Variants in EIF4G2 observed in about 807,000 individuals in gnomAD.
EIF4G2 encodes the protein DAP-5.
In EIF4G2, 8 loss-of-function variants were observed where a neutral mutation model predicts 117.7. The ratio of observed to expected loss-of-function variants is 0.07; its 90% CI spans 0.04 to 0.12. EIF4G2 has a LOEUF of 0.12. Ranked by LOEUF, EIF4G2 falls within the 10% of genes least tolerant of loss-of-function variation. The pLI is 1.00. For synonymous variants in EIF4G2, 413 were observed against 367.8 expected, an observed-to-expected ratio of 1.12 and a Z score of -1.41; for missense variants, 812 against 1,086.2, an observed-to-expected ratio of 0.75 and a Z score of 3.55.
intron 2 of EIF4G2, 134 bp from the exon 3 acceptor site, chr11:10,807,019 G>T (rs1847595602): frequency 2.6e-6 from 3 of 1,159,302 alleles, no homozygotes; most frequent in African/African-American, 1.5e-5. Flanking sequence ...AGCCAGGCCT[G>T]TATTTTAGTG....
intron 4 of EIF4G2, among the ~76,000 whole-genome samples, chr11:10,805,223 G>A (rs75797111): frequency 3.9e-5 from 6 of 152,174 alleles, no homozygotes; most frequent in Non-Finnish European, 8.8e-5. Context: ...GGGGTCCCCA[G>A]CTGTTTGACA....
rs1232821085 is a variant in EIF4G2, at chr11:10,798,907, T to C, written c.2658+85A>G. 3 of 1,500,546 alleles carry C rather than the reference T, an allele frequency of 2.0e-6. No individual in the cohort carries two copies. The East Asian group carries it at 6.8e-5, about 34-fold the overall frequency. The allele number at this position is 1,500,546 out of a possible 1,614,324, so 93.0% of individuals were successfully genotyped here. A position where few individuals can be genotyped will look rare whatever the true frequency, so the allele number is the denominator to read the frequency against. On this transcript the variant is annotated intron_variant, in intron 21 of 21. Coordinates refer to ENST00000339995, the MANE Select transcript of EIF4G2 (RefSeq NM_001418.4). ...CTACTAACTAGGACTACCTTGCCTG[T>C]ATTTCAGTTGAAAAAGGCTCTTAAC...
At chr11:10,804,512 C>G in intron 5 of EIF4G2, 94 bp from the exon 6 acceptor site, 1 of 1,450,834 alleles carries the variant, frequency 6.9e-7, no homozygotes, top group Non-Finnish European at 9.2e-7. Flanking sequence ...TTAGCTATTA[C>G]AGTCTACCAA....
Position 10,800,525 on chromosome 11 carries a change from T to C in EIF4G2, c.1767A>G (p.Ser589=). The change falls in exon 17 of 22, where the codon TCA becomes TCG. Residue 589 remains serine, a synonymous_variant. Transcript: ENST00000339995. ...CTTTATCTTCATCGCTTCTATCTAG[T>C]GACAGGATGATTACTTTGCTTAACA... The C allele has an allele frequency of 1.9e-6, 3 of 1,614,194 alleles. No homozygotes were observed. The highest frequency in any genetic ancestry group is 2.5e-6 in the Non-Finnish European group (3 of 1,180,018).
At chr11:10,801,191 A>G (rs1847406412) in intron 14 of EIF4G2, 104 bp from the exon 15 acceptor site, 5 of 1,492,064 alleles carry the variant, frequency 3.4e-6, no homozygotes, top group Non-Finnish European at 3.6e-6. Flanking sequence ...CTAGGGAAAC[A>G]TTAAGCTTTT....
chr11:10,807,611 C>T, intron 1 of EIF4G2: 2 of 1,131,256 alleles, frequency 1.8e-6, no homozygotes, highest in African/African-American at 1.6e-5. Flanking sequence ...GCATTTTAAA[C>T]GGCTCAGAAC....
intron 7 of EIF4G2, 25 bp from the exon 8 acceptor site, chr11:10,804,075 G>A (rs774585433): frequency 2.4e-5 from 39 of 1,612,444 alleles, no homozygotes; most frequent in Non-Finnish European, 3.2e-5. Context: ...AATGAAGTAA[G>A]CCAACATTCA....
In EIF4G2 at chr11:10,803,422, T is replaced by A; in HGVS notation, c.813+58A>T. Reference sequence around the variant, plus strand: ...GCAATCCCTTATGATGTCACAAAAATCAATAGCTTGATTTAAAGACAAACT... The same window carrying A: ...GCAATCCCTTATGATGTCACAAAAAACAATAGCTTGATTTAAAGACAAACT... On this transcript the variant is annotated intron_variant, in intron 9 of 21. Coordinates refer to ENST00000339995, the MANE Select transcript of EIF4G2 (RefSeq NM_001418.4). The surrounding 1 kb of genome is among the most constrained non-coding windows in gnomAD (Gnocchi z 4.0). 1 of 1,577,874 alleles carries A rather than the reference T, an allele frequency of 6.3e-7. No individual in the cohort carries two copies. The highest frequency in any genetic ancestry group is 2.2e-5 in the East Asian group (1 of 44,638).
At chr11:10,808,222 T>C in intron 1 of EIF4G2, 7 of 1,136,282 alleles carry the variant, frequency 6.2e-6, no homozygotes, top group Non-Finnish European at 7.6e-6. Flanking sequence ...AAATCATCAC[T>C]CTCTCTTTCC....
At position 10,800,849 on chromosome 11, in the gene EIF4G2, A is replaced by G. The variant is rs575290905; in HGVS notation, c.1540-14T>C. ...AAGCTGAGGTGTCTAAAAAACAAGC[A>G]ATGACAGACTTTTTTTAAAAAGAGG... On this transcript the variant is annotated splice_polypyrimidine_tract_variant and intron_variant, in intron 15 of 21. Coordinates refer to ENST00000339995, the MANE Select transcript of EIF4G2 (RefSeq NM_001418.4). 3 of 1,612,986 alleles carry G rather than the reference A, an allele frequency of 1.9e-6. No homozygotes were observed. Among genetic ancestry groups the G allele is most frequent in the African/African-American group, 2.7e-5 (2 of 74,862 alleles).
Position 10,799,404 on chromosome 11 carries a change from C to T in EIF4G2, c.2345G>A (p.Ser782Asn), listed in dbSNP as rs1463062907. The T allele has an allele frequency of 6.2e-7, 1 of 1,611,522 alleles. No individual in the cohort carries two copies. The highest frequency in any genetic ancestry group is 8.5e-7 in the Non-Finnish European group (1 of 1,180,026). ...TTCATCGCTGGGGGGGTTTACTTCACTAGAAATGTACTGTAAGAAGCTGGA... is the reference window on the plus strand; with the variant it reads ...TTCATCGCTGGGGGGGTTTACTTCATTAGAAATGTACTGTAAGAAGCTGGA... The change falls in exon 20 of 22, where the codon AGT (serine) becomes AAT (asparagine). Residue 782 changes from serine (S) to asparagine (N), a missense_variant. Physicochemically the swap from Ser to Asn is conservative, Grantham distance 46 (BLOSUM62 1). Coordinates refer to ENST00000339995, the MANE Select transcript of EIF4G2 (RefSeq NM_001418.4).
chr11:10,805,162 G>C (rs1847528534), intron 4 of EIF4G2, 147 bp from the exon 5 acceptor site: 2 of 663,864 alleles, frequency 3.0e-6, no homozygotes, highest in East Asian at 2.7e-5. Flanking sequence ...AAACCAAAGG[G>C]ATGCTGAAAT....
At position 10,801,735 on chromosome 11, in the gene EIF4G2, A is replaced by C. The variant is rs751605803; in HGVS notation, c.1339T>G (p.Leu447Val). The change falls in exon 14 of 22, where the codon TTA becomes GTA. Residue 447 changes from leucine (L) to valine (V), a missense_variant. Transcript: ENST00000339995. The stretch of plus-strand genomic sequence containing the variant: ...TTCGACTGTCCTTGCAGCTGGGATA[A>C]GAGTCCCTGACTCTGGTTATGGTAG... 3.7e-6 allele frequency: 6 copies of C among 1,614,186 alleles called. No individual in the cohort carries two copies. In the Admixed American group the frequency reaches 1.0e-4, roughly 27 times the overall value.
At position 10,802,228 on chromosome 11, in the gene EIF4G2, A is replaced by C. The variant is rs559300529; in HGVS notation, c.1139-19T>G. ...CCGCTACCTTAAAATACATATACGGACAACTCTCAAAACTAAAGTTAACTG... is the reference window on the plus strand; with the variant it reads ...CCGCTACCTTAAAATACATATACGGCCAACTCTCAAAACTAAAGTTAACTG... On this transcript the variant is annotated intron_variant, in intron 12 of 21. Transcript: ENST00000339995. The C allele has an allele frequency of 6.2e-7, 1 of 1,612,288 alleles. No individual in the cohort carries two copies. Among genetic ancestry groups the C allele is most frequent in the Non-Finnish European group, 8.5e-7 (1 of 1,178,888 alleles).
intron 5 of EIF4G2, 50 bp from the exon 6 acceptor site, chr11:10,804,468 C>T: frequency 2.6e-6 from 4 of 1,528,782 alleles, no homozygotes; most frequent in Non-Finnish European, 1.8e-6. Context: ...TCTCCAAGAA[C>T]CCTTCCTTTA....
chr11:10,797,767 C>T lies in EIF4G2; in HGVS notation c.*49G>A. The T allele has an allele frequency of 6.3e-7, 1 of 1,584,928 alleles. No individual in the cohort carries two copies. The highest frequency in any genetic ancestry group is 8.7e-7 in the Non-Finnish European group (1 of 1,155,412). On this transcript the variant is annotated 3_prime_UTR_variant, in exon 22 of 22. Coordinates refer to ENST00000339995, the MANE Select transcript of EIF4G2 (RefSeq NM_001418.4). This position sits in a 1 kb window ranked among gnomAD's most constrained non-coding sequence, Gnocchi z 4.5. ...GCAGTGGTTAGGTCAAATGCAGTTACATCATAGCAACAGTATGTTTTGCAC... is the reference window on the plus strand; with the variant it reads ...GCAGTGGTTAGGTCAAATGCAGTTATATCATAGCAACAGTATGTTTTGCAC...
At chr11:10,799,154 T>C (rs781308089) in intron 20 of EIF4G2, 41 bp from the exon 21 acceptor site, 4 of 1,598,224 alleles carry the variant, frequency 2.5e-6, no homozygotes, top group Non-Finnish European at 2.6e-6. Context: ...ATAAGCCCAT[T>C]ATTTAGTGTT....
chr11:10,802,280 T>C lies in EIF4G2; in HGVS notation c.1138+14A>G. ...TTTTTCAGCTTAACGCAACCATTGT[T>C]TTTTCAAAATTACCTGGCATTTGTC... On this transcript the variant is annotated intron_variant, in intron 12 of 21. Transcript: ENST00000339995. 6.2e-7 allele frequency: 1 copy of C among 1,611,402 alleles called. No individual in the cohort carries two copies. Among genetic ancestry groups the C allele is most frequent in the Non-Finnish European group, 8.5e-7 (1 of 1,178,612 alleles).
intron 1 of EIF4G2, chr11:10,808,084 T>A (rs1289826768): frequency 9.5e-7 from 1 of 1,057,144 alleles, no homozygotes; most frequent in Admixed American, 6.1e-5. Context: ...CCCAGCTCTT[T>A]GTTCTCCAAG....
Sources: gnomAD v4.1 joint callset for allele counts (sites outside exome capture counted in the v4.1 genomes callset) on GRCh38, gnomAD v4.1.1 for gene constraint, Gnocchi (gnomAD v3.1) non-coding constraint, MANE v1.5 for transcripts, NCBI Gene and HGNC (gene_info 2026-07-23, HGNC 2026-07-21) for gene names.